Variants in RFC1 observed in about 807,000 individuals in gnomAD.
RFC1 encodes the protein A1 140 kDa subunit.
In RFC1, 37 loss-of-function variants were observed where a neutral mutation model predicts 137.4. The ratio of observed to expected loss-of-function variants is 0.27; its 90% confidence interval spans 0.21 to 0.35. The LOEUF is 0.35. RFC1 is among the 10% of genes least tolerant of loss of function. The probability of loss-of-function intolerance (pLI) is 1.00; values close to 1 mark genes in which losing one functional copy is unlikely to be tolerated. For synonymous variants in RFC1, 429 were observed against 455.7 expected (o/e 0.94, Z 0.75); for missense variants, 1,205 against 1,358.5 (o/e 0.89, Z 1.78).
At chr4:39,365,356 G>T in intron 1 of RFC1, 5 of 605,066 alleles carry the variant, frequency 8.3e-6, no homozygotes, top group Non-Finnish European at 1.0e-5. Context: ...GTTGACCAAT[G>T]ATTGAAAAAA....
chr4:39,323,495 A>C, intron 6 of RFC1, 78 bp from the exon 7 acceptor site: 2 of 1,210,692 alleles, frequency 1.7e-6, no homozygotes, highest in Non-Finnish European at 2.4e-6. Flanking sequence ...TCTGATTCAT[A>C]TATTTAGAAG....
chr4:39,351,593 T>A, intron 1 of RFC1, 117 bp from the exon 2 acceptor site: 3 of 807,400 alleles, frequency 3.7e-6, no homozygotes, highest in South Asian at 2.1e-5. Flanking sequence ...AATTTTTCCA[T>A]ACCAAGATAG....
intron 13 of RFC1, among the ~76,000 whole-genome samples, chr4:39,307,844 G>T (rs1366330028): frequency 6.6e-6 from 1 of 152,114 alleles, no homozygotes; most frequent in Non-Finnish European, 1.5e-5. Context: ...ATTTAGTCCT[G>T]TATCATTACA....
chr4:39,295,706 C>T lies in RFC1; in HGVS notation c.2862G>A (p.Gln954=). 4 of 1,613,774 alleles carry T rather than the reference C, an allele frequency of 2.5e-6. No individual in the cohort carries two copies. Among genetic ancestry groups the T allele is most frequent in the Non-Finnish European group, 3.4e-6 (4 of 1,179,832 alleles). Residue 954 remains glutamine (Q), a synonymous_variant, in exon 22 of 25, where the codon CAG becomes CAA. Transcript: ENST00000349703. The part of the protein sequence containing the change: ...PGELMRGYMT[Q]FPTFPSWLGK... ...CCAGCCAGCTTGGGAAGGTGGGAAA[C>T]TGGGTCATGTACCCCCTCATCAACT...
At chr4:39,347,630 C>G (rs1740921444) in intron 2 of RFC1, among the ~76,000 whole-genome samples, 1 of 151,992 alleles carries the variant, frequency 6.6e-6, no homozygotes, top group Admixed American at 6.6e-5. Flanking sequence ...TATTTTCTAG[C>G]ATGTAGAAAA....
intron 4 of RFC1, among the ~76,000 whole-genome samples, chr4:39,330,894 CAT>C (rs764250106): frequency 1.3e-5 from 2 of 151,350 alleles, no homozygotes; most frequent in African/African-American, 2.4e-5. Flanking sequence ...TTCAGTCATT[CAT>C]ATATATATAT....
At chr4:39,289,515 C>G (rs1348935727) in intron 24 of RFC1, 1 of 221,106 alleles carries the variant, frequency 4.5e-6, no homozygotes, top group Non-Finnish European at 8.9e-6. Flanking sequence ...GTGGCTATAG[C>G]AAAACATAAG....
intron 13 of RFC1, among the ~76,000 whole-genome samples, chr4:39,307,085 GC>G (rs1738708669): frequency 6.6e-6 from 1 of 152,134 alleles, no homozygotes; most frequent in African/African-American, 2.4e-5. Context: ...GCCCCTCTGT[GC>G]CTGCCTCCTC....
chr4:39,312,331 G>A (rs751742245), intron 11 of RFC1, among the ~76,000 whole-genome samples: 11 of 152,006 alleles, frequency 7.2e-5, no homozygotes, highest in Non-Finnish European at 1.3e-4. Flanking sequence ...TTTAATCCAC[G>A]GTTAATCAGA....
intron 4 of RFC1, among the ~76,000 whole-genome samples, chr4:39,337,427 C>G (rs529660533): frequency 8.3e-6 from 1 of 121,164 alleles, no homozygotes; most frequent in African/African-American, 3.3e-5. Context: ...TAAGATGCTA[C>G]TCAAATAAGT....
At position 39,320,443 on chromosome 4, in the gene RFC1, A is replaced by G; in HGVS notation, c.1035T>C (p.Ile345=). The change falls in exon 9 of 25, where the codon ATT becomes ATC. Residue 345 remains isoleucine (I), a synonymous_variant. Transcript: ENST00000349703. ...PVASKRKENA[I]KLKGETKTPK... is the part of the protein sequence containing the mutation. ...GAGTTTTTGTCTCTCCTTTCAATTT[A>G]ATGGCATTTTCTTTTCTTTTTGAGG... 1.3e-6 allele frequency: 2 copies of G among 1,577,070 alleles called. No homozygotes were observed. Among genetic ancestry groups the G allele is most frequent in the Non-Finnish European group, 1.7e-6 (2 of 1,169,520 alleles).
Position 39,306,654 on chromosome 4 carries a change from C to G in RFC1, c.1933G>C (p.Ala645Pro). ...SGKDDGSSFK[A>P]ALLSGPPGVG... is the part of the protein sequence containing the mutation. ...CCAGGAGGGCCTGACAGCAACGCTG[C>G]TTTAAAACTAGAGCCATCATCTTTG... is the stretch of plus-strand genomic sequence containing the variant. Residue 645 changes from alanine to proline, a missense_variant, in exon 14 of 25, where the codon GCA becomes CCA. Ala to Pro is a conservative substitution (Grantham distance 27). Transcript: ENST00000349703. The G allele has an allele frequency of 1.2e-6, 2 of 1,613,968 alleles. No individual in the cohort carries two copies. The highest frequency in any genetic ancestry group is 1.7e-6 in the Non-Finnish European group (2 of 1,179,844).
At chr4:39,305,369 G>C (rs1447204514) in intron 14 of RFC1, among the ~76,000 whole-genome samples, 10 of 152,144 alleles carry the variant, frequency 6.6e-5, no homozygotes, top group Non-Finnish European at 8.8e-5. Context: ...GCTTTTGGGA[G>C]TCCAAAGTGG....
At chr4:39,300,473 C>T (rs1415797009) in intron 19 of RFC1, 59 bp from the exon 20 acceptor site, 11 of 1,248,786 alleles carry the variant, frequency 8.8e-6, no homozygotes, top group Admixed American at 5.4e-5. Flanking sequence ...GGTAACATCA[C>T]CAAATGCTAA....
chr4:39,361,779 T>C (rs1741769762), intron 1 of RFC1, among the ~76,000 whole-genome samples: 1 of 152,222 alleles, frequency 6.6e-6, no homozygotes, highest in Non-Finnish European at 1.5e-5. Flanking sequence ...CTGGGCGCGG[T>C]GGCTCACGCC....
intron 10 of RFC1, 114 bp from the exon 11 acceptor site, chr4:39,313,045 T>C (rs923870009): frequency 1.8e-5 from 16 of 887,648 alleles, no homozygotes; most frequent in Admixed American, 1.3e-4. Flanking sequence ...ATAAATAACC[T>C]TGGCATGGAA....
Position 39,304,906 on chromosome 4 carries a change from T to C in RFC1, c.2018A>G (p.Glu673Gly). ...VCQELGYSYV[E>G]LNASDTRSKS... ...ACTCCGGGTGTCACTTGCATTCAGT[T>C]CCACGTAGCTGTATCCCAACTCCTA... Residue 673 changes from glutamate (E) to glycine (G), a missense_variant, in exon 15 of 25, where the codon GAA (glutamate) becomes GGA (glycine). Physicochemically the swap from Glu to Gly is moderately conservative, Grantham distance 98 (BLOSUM62 -2). Around this residue, in one of 3 missense-constraint regions of RFC1, gnomAD observed 962 missense variants for 1,035.3 expected, o/e 0.93. Coordinates refer to ENST00000349703, the MANE Select transcript of RFC1 (RefSeq NM_002913.5). 6.2e-7 allele frequency: 1 copy of C among 1,611,708 alleles called. No homozygotes were observed. Among genetic ancestry groups the C allele is most frequent in the Non-Finnish European group, 8.5e-7 (1 of 1,177,886 alleles).
At chr4:39,321,440 G>T in intron 7 of RFC1, 66 bp from the exon 8 acceptor site, 1 of 1,461,330 alleles carries the variant, frequency 6.8e-7, no homozygotes, top group Non-Finnish European at 9.4e-7. Flanking sequence ...AAAATCTGTT[G>T]TTAAAATCCA....
At position 39,289,672 on chromosome 4, in the gene RFC1, T is replaced by A. The variant is rs1469541525; in HGVS notation, c.3360+176A>T. 3 of 561,538 alleles carry A rather than the reference T, an allele frequency of 5.3e-6. No homozygotes were observed. In the African/African-American group the frequency reaches 5.7e-5, roughly 11 times the overall value. The allele number at this position is 561,538 out of a possible 1,614,324, so 34.8% of individuals were successfully genotyped here. On this transcript the variant is annotated intron_variant, in intron 24 of 24. Coordinates refer to ENST00000349703, the MANE Select transcript of RFC1 (RefSeq NM_002913.5). ...TTGCTGTTTGGCTCTTCGACTACCA[T>A]AAGAAACTTTATAAAAATGAAATCT...
Sources: gnomAD v4.1 joint callset for allele counts (sites outside exome capture counted in the v4.1 genomes callset) on GRCh38, gnomAD v4.1.1 for gene constraint, gnomAD v4.1.1 regional missense constraint, MANE v1.5 for transcripts, NCBI Gene and HGNC (gene_info 2026-07-23, HGNC 2026-07-21) for gene names.